MIR2052HG: variants seen among roughly 807,000 people sequenced by gnomAD.
The protein encoded by MIR2052HG is MIR2052 host gene.
intron 4 of MIR2052HG, among the ~76,000 whole-genome samples, chr8:74,736,432 T>C (rs956966968): frequency 6.6e-6 from 1 of 152,132 alleles, no homozygotes; most frequent in Non-Finnish European, 1.5e-5. Context: ...TGGCAGTAAA[T>C]ATGGGGTAGG....
chr8:74,741,959 CTCA>C (rs1809835893), intron 4 of MIR2052HG, among the ~76,000 whole-genome samples: 1 of 152,186 alleles, frequency 6.6e-6, no homozygotes, highest in Non-Finnish European at 1.5e-5. Flanking sequence ...TAACAGGCAA[CTCA>C]AACTTTTTGC....
intron 1 of MIR2052HG, among the ~76,000 whole-genome samples, chr8:74,608,806 G>A (rs1288863362): frequency 6.6e-6 from 1 of 152,006 alleles, no homozygotes; most frequent in East Asian, 1.9e-4. Flanking sequence ...ACAAAACTTA[G>A]TGGAAAATTT....
chr8:74,673,910 T>TATATATATACACAC (rs1485340799), intron 2 of MIR2052HG, among the ~76,000 whole-genome samples: 1 of 133,228 alleles, frequency 7.5e-6, no homozygotes, highest in African/African-American at 3.4e-5. Context: ...TATATATATA[T>TATATATATACACAC]ACACACACAA....
intron 1 of MIR2052HG, chr8:74,612,351 G>A (rs1377783483): frequency 1.3e-5 from 2 of 156,748 alleles, no homozygotes; most frequent in African/African-American, 4.8e-5. Context: ...ATCTATTTCA[G>A]CATTTCTCAT....
intron 2 of MIR2052HG, among the ~76,000 whole-genome samples, chr8:74,681,627 C>G (rs1809126180): frequency 6.6e-6 from 1 of 152,066 alleles, no homozygotes; most frequent in Non-Finnish European, 1.5e-5. Context: ...GCTATTACCT[C>G]TTGGGAATGG....
At chr8:74,676,860 A>T (rs1417523254) in intron 2 of MIR2052HG, among the ~76,000 whole-genome samples, 2 of 151,982 alleles carry the variant, frequency 1.3e-5, no homozygotes, top group Non-Finnish European at 2.9e-5. Flanking sequence ...AATTAGCTGG[A>T]TTGTGGTAAT....
intron 4 of MIR2052HG, among the ~76,000 whole-genome samples, chr8:74,725,317 C>T (rs1809622455): frequency 6.6e-6 from 1 of 152,202 alleles, no homozygotes; most frequent in Non-Finnish European, 1.5e-5. Context: ...GACTCACTCA[C>T]TTAGCGTCTA....
At chr8:74,747,645 C>T (rs977386555) in intron 4 of MIR2052HG, among the ~76,000 whole-genome samples, 2 of 152,106 alleles carry the variant, frequency 1.3e-5, no homozygotes, top group Admixed American at 1.3e-4. Context: ...AAGAAAAGAA[C>T]AGTCACAAGA....
intron 5 of MIR2052HG, among the ~76,000 whole-genome samples, chr8:74,753,637 C>A (rs930589527): frequency 2.0e-5 from 3 of 152,040 alleles, no homozygotes; most frequent in Non-Finnish European, 1.5e-5. Context: ...TTTTTGCATT[C>A]TTCTTACCCC....
At chr8:74,622,625 T>TAAAAAGAAAAGACGA (rs1808378554) in intron 2 of MIR2052HG, among the ~76,000 whole-genome samples, 1 of 151,160 alleles carries the variant, frequency 6.6e-6, no homozygotes, top group African/African-American at 2.4e-5. Context: ...AAAAAAATTT[T>TAAAAAGAAAAGACGA]AAAAAGAAAA....
intron 4 of MIR2052HG, among the ~76,000 whole-genome samples, chr8:74,707,282 T>A (rs1212620607): frequency 6.6e-6 from 1 of 152,136 alleles, no homozygotes; most frequent in Non-Finnish European, 1.5e-5. Flanking sequence ...AATGGCCACA[T>A]CTGCCCAGGA....
At chr8:74,698,456 T>G (rs2128740572) in intron 2 of MIR2052HG, among the ~76,000 whole-genome samples, 1 of 152,290 alleles carries the variant, frequency 6.6e-6, no homozygotes, top group Middle Eastern at 3.4e-3. Context: ...GGCAAAGACT[T>G]CATGAACAAG....
chr8:74,737,205 G>A (rs1190063332), intron 4 of MIR2052HG, among the ~76,000 whole-genome samples: 1 of 152,140 alleles, frequency 6.6e-6, no homozygotes, highest in African/African-American at 2.4e-5. Flanking sequence ...ACAGGAGTGC[G>A]ACCTCTGTAA....
intron 2 of MIR2052HG, among the ~76,000 whole-genome samples, chr8:74,659,164 C>G (rs1422480888): frequency 6.6e-6 from 1 of 152,062 alleles, no homozygotes; most frequent in Non-Finnish European, 1.5e-5. Context: ...TGTTCTTGGA[C>G]AATGAACCTG....
At chr8:74,662,531 C>T (rs974524768) in intron 2 of MIR2052HG, among the ~76,000 whole-genome samples, 1 of 151,962 alleles carries the variant, frequency 6.6e-6, no homozygotes, top group African/African-American at 2.4e-5. Context: ...CACATGTATA[C>T]ATATGTAACA....
intron 4 of MIR2052HG, among the ~76,000 whole-genome samples, chr8:74,728,701 T>G (rs1809660252): frequency 6.6e-6 from 1 of 152,112 alleles, no homozygotes; most frequent in African/African-American, 2.4e-5. Flanking sequence ...CAAATGCTAG[T>G]AATTAACAAG....
At chr8:74,662,402 A>G (rs1193414216) in intron 2 of MIR2052HG, among the ~76,000 whole-genome samples, 3 of 138,518 alleles carry the variant, frequency 2.2e-5, no homozygotes, top group East Asian at 2.3e-4. Flanking sequence ...ACATGGACAC[A>G]GGGAGGCGAA....
At chr8:74,685,747 T>C (rs1473138941) in intron 2 of MIR2052HG, among the ~76,000 whole-genome samples, 3 of 152,188 alleles carry the variant, frequency 2.0e-5, no homozygotes, top group African/African-American at 7.2e-5. Context: ...CATTATTTTA[T>C]GTGAATGACC....
At chr8:74,731,838 C>T (rs1204341716) in intron 4 of MIR2052HG, among the ~76,000 whole-genome samples, 1 of 152,048 alleles carries the variant, frequency 6.6e-6, no homozygotes, top group Non-Finnish European at 1.5e-5. Context: ...GGGCATACTC[C>T]ACATTCTATT....
Sources: gnomAD v4.1 joint callset for allele counts (sites outside exome capture counted in the v4.1 genomes callset) on GRCh38, gnomAD v4.1.1 for gene constraint, MANE v1.5 for transcripts, NCBI Gene and HGNC (gene_info 2026-07-23, HGNC 2026-07-21) for gene names.